The following ENOX1 variants were observed in gnomAD, a reference collection of about 807,000 sequenced individuals.
The protein encoded by ENOX1 is ecto-NOX disulfide-thiol exchanger 1.
Under a neutral mutation model 82.5 loss-of-function variants are expected in ENOX1, and 42 were observed. The observed-to-expected ratio is 0.51, with a 90% confidence interval of 0.40 to 0.66. The LOEUF is 0.66. ENOX1 is among the 30% of genes least tolerant of loss of function. ENOX1 has a pLI of 0.00. For missense variants in ENOX1, 608 were observed against 811.6 expected, an observed-to-expected ratio of 0.75 and a Z score of 3.05; for synonymous variants, 271 against 282.2, an observed-to-expected ratio of 0.96 and a Z score of 0.40.
intron 2 of ENOX1, among the ~76,000 whole-genome samples, chr13:43,620,900 AGT>A (rs2082698083): frequency 6.6e-6 from 1 of 152,258 alleles, no homozygotes; most frequent in South Asian, 2.1e-4. Context: ...TAGGTCTATT[AGT>A]CATAGTTTTA....
intron 5 of ENOX1, among the ~76,000 whole-genome samples, chr13:43,403,893 T>C (rs1219302087): frequency 1.3e-5 from 2 of 152,092 alleles, no homozygotes; most frequent in African/African-American, 4.8e-5. Context: ...AGAAATATTG[T>C]AGACACACAC....
At chr13:43,439,758 G>A (rs143039571) in intron 3 of ENOX1, among the ~76,000 whole-genome samples, 2 of 152,186 alleles carry the variant, frequency 1.3e-5, no homozygotes, top group African/African-American at 4.8e-5. Context: ...ATGAAAGCAA[G>A]CATTCTGTTT....
intron 12 of ENOX1, among the ~76,000 whole-genome samples, chr13:43,273,675 T>C (rs1420971742): frequency 6.6e-6 from 1 of 152,176 alleles, no homozygotes; most frequent in Non-Finnish European, 1.5e-5. Context: ...TTGATTTCAT[T>C]CCCACTTACC....
intron 10 of ENOX1, 30 bp downstream of exon 10, chr13:43,326,389 T>G: frequency 1.3e-6 from 2 of 1,581,584 alleles, no homozygotes; most frequent in Non-Finnish European, 1.7e-6. Flanking sequence ...TGTGTGATGG[T>G]GGTTAAAAAG....
chr13:43,565,563 G>A (rs1265935980), intron 2 of ENOX1, among the ~76,000 whole-genome samples: 1 of 152,070 alleles, frequency 6.6e-6, no homozygotes, highest in Non-Finnish European at 1.5e-5. Context: ...TAACCAGGGT[G>A]GTCACAGCTC....
intron 3 of ENOX1, among the ~76,000 whole-genome samples, chr13:43,443,554 G>A (rs2056470171): frequency 6.6e-6 from 1 of 152,142 alleles, no homozygotes; most frequent in Non-Finnish European, 1.5e-5. Context: ...GGTGAATCAG[G>A]CACCATCCAC....
chr13:43,651,966 G>C (rs896827195), intron 2 of ENOX1, among the ~76,000 whole-genome samples: 2 of 65,464 alleles, frequency 3.1e-5, no homozygotes, highest in Non-Finnish European at 2.7e-5. Flanking sequence ...GTGAAACTTC[G>C]TCTCAAAAAA....
intron 5 of ENOX1, among the ~76,000 whole-genome samples, chr13:43,371,456 G>T (rs145037296): frequency 1.9e-3 from 283 of 152,258 alleles, no homozygotes; most frequent in Non-Finnish European, 3.3e-3. Context: ...ACACCATATA[G>T]ATATAAAGCC....
intron 1 of ENOX1, among the ~76,000 whole-genome samples, chr13:43,777,429 GAAT>G (rs1253315148): frequency 7.2e-5 from 11 of 152,004 alleles, no homozygotes; most frequent in Admixed American, 7.2e-4. Flanking sequence ...GAGGAAATCT[GAAT>G]AAGATTGATG....
chr13:43,302,553 CTT>C (rs2046638035), intron 11 of ENOX1, among the ~76,000 whole-genome samples: 1 of 152,126 alleles, frequency 6.6e-6, no homozygotes, highest in Middle Eastern at 3.2e-3. Context: ...TACTTCAAAA[CTT>C]AGCACTAGAC....
chr13:43,245,686 T>A (rs1341144282), intron 14 of ENOX1, among the ~76,000 whole-genome samples: 1 of 152,184 alleles, frequency 6.6e-6, no homozygotes, highest in Non-Finnish European at 1.5e-5. Context: ...CTCTGCCCTT[T>A]CCCAGCAGCC....
At chr13:43,705,420 C>T (rs1438564395) in intron 1 of ENOX1, among the ~76,000 whole-genome samples, 2 of 149,540 alleles carry the variant, frequency 1.3e-5, no homozygotes, top group Non-Finnish European at 3.0e-5. Context: ...CAAACAAATA[C>T]ATGCTCTATT....
At chr13:43,683,298 T>C (rs866378521) in intron 1 of ENOX1, among the ~76,000 whole-genome samples, 11 of 151,568 alleles carry the variant, frequency 7.3e-5, no homozygotes, top group Admixed American at 7.2e-4. Context: ...ACAAGAGAGG[T>C]AGGGGTTGGG....
chr13:43,252,574 G>A (rs776294027), intron 14 of ENOX1, among the ~76,000 whole-genome samples: 9 of 152,174 alleles, frequency 5.9e-5, no homozygotes, highest in Non-Finnish European at 1.2e-4. Flanking sequence ...TTTCCTTTGG[G>A]CAACAGCTTT....
At chr13:43,679,836 A>C (rs1417063210) in intron 1 of ENOX1, among the ~76,000 whole-genome samples, 1 of 152,232 alleles carries the variant, frequency 6.6e-6, no homozygotes, top group Non-Finnish European at 1.5e-5. Context: ...TATTATCTGC[A>C]TATCATGGAA....
At chr13:43,467,136 T>C (rs2057761530) in intron 3 of ENOX1, among the ~76,000 whole-genome samples, 1 of 152,224 alleles carries the variant, frequency 6.6e-6, no homozygotes, top group Non-Finnish European at 1.5e-5. Context: ...CTCTTAGGTC[T>C]ATACCTAGGA....
At chr13:43,530,600 A>G (rs960840365) in intron 2 of ENOX1, among the ~76,000 whole-genome samples, 1 of 152,164 alleles carries the variant, frequency 6.6e-6, no homozygotes, top group African/African-American at 2.4e-5. Flanking sequence ...CCAGGTTGAG[A>G]ATGATCAAAA....
chr13:43,214,670 T>C (rs1164464613), intron 16 of ENOX1, among the ~76,000 whole-genome samples: 1 of 152,202 alleles, frequency 6.6e-6, no homozygotes, highest in East Asian at 1.9e-4. Context: ...AGTCTTGATA[T>C]CTAGTCATAA....
intron 2 of ENOX1, among the ~76,000 whole-genome samples, chr13:43,554,897 CCCCTAG>C (rs2153701652): frequency 6.6e-6 from 1 of 152,112 alleles, no homozygotes; most frequent in East Asian, 1.9e-4. Flanking sequence ...GGTTTTTTGA[CCCCTAG>C]CCCAATATTC....
Sources: allele counts gnomAD v4.1 joint callset (sites outside exome capture counted in the v4.1 genomes callset), GRCh38; gene constraint gnomAD v4.1.1; transcripts MANE v1.5; gene names NCBI Gene and HGNC (gene_info 2026-07-23, HGNC 2026-07-21).